The following MLIP variants were observed in gnomAD, a reference collection of about 807,000 sequenced individuals.
MLIP encodes muscular LMNA interacting protein.
A neutral mutation model predicts 84.8 loss-of-function variants in MLIP; 79 were observed. The ratio of observed to expected loss-of-function variants is 0.93; its 90% CI spans 0.78 to 1.12. The LOEUF is 1.12. Among genes scored for constraint, MLIP ranks in the 50% most tolerant of loss-of-function variants. MLIP has a pLI of 0.00. For missense variants in MLIP, 1,257 were observed against 1,160.6 expected (o/e 1.08, Z -1.21); for synonymous variants, 504 against 463.0 (o/e 1.09, Z -1.14).
rs1194119527 is a variant in MLIP at position 54,137,446 on chromosome 6, A to G, written c.1377A>G (p.Pro459=). 1 of 1,535,572 alleles carries G rather than the reference A, an allele frequency of 6.5e-7. No individual in the cohort carries two copies. Among genetic ancestry groups the G allele is most frequent in the African/African-American group, 1.4e-5 (1 of 72,910 alleles). The change falls in exon 4 of 14, where the codon CCA becomes CCG. Residue 459 remains proline (P), a synonymous_variant. Coordinates refer to ENST00000502396, the MANE Select transcript of MLIP (RefSeq NM_001281747.2). The stretch of plus-strand genomic sequence containing the variant: ...TTGACCAAAAAGAAAAGCAGACCCC[A>G]CCCACGCCTAAAAAATCTCTCTCAA... ...LTLDQKEKQT[P]PTPKKSLSSC...
intron 5 of MLIP, among the ~76,000 whole-genome samples, chr6:54,152,989 T>G (rs1432779856): frequency 6.6e-6 from 1 of 152,136 alleles, no homozygotes; most frequent in East Asian, 1.9e-4. Flanking sequence ...CTCTGTTTAC[T>G]TCCTCATAAG....
intron 12 of MLIP, among the ~76,000 whole-genome samples, chr6:54,256,595 G>A (rs1278161546): frequency 6.6e-6 from 1 of 152,126 alleles, no homozygotes; most frequent in East Asian, 1.9e-4. Flanking sequence ...CTCTTTGTGT[G>A]TGTCTCTTAG....
chr6:54,236,363 G>A (rs1781361022), intron 12 of MLIP, among the ~76,000 whole-genome samples: 1 of 152,192 alleles, frequency 6.6e-6, no homozygotes, highest in Non-Finnish European at 1.5e-5. Flanking sequence ...CACTTTGGGA[G>A]GCCAAGGCGG....
At chr6:54,202,267 T>A (rs766383092) in intron 11 of MLIP, 34 bp downstream of exon 11, 3 of 1,147,670 alleles carry the variant, frequency 2.6e-6, no homozygotes, top group Non-Finnish European at 3.3e-6. Flanking sequence ...TTTGCTATTT[T>A]GATAAATATA....
At position 54,266,199 on chromosome 6, in the gene MLIP, C is replaced by T. The variant is rs1293340302; in HGVS notation, c.*244C>T. 9.9e-6 allele frequency: 5 copies of T among 504,998 alleles called. No individual in the cohort carries two copies. The highest frequency in any genetic ancestry group is 1.9e-5 in the African/African-American group (1 of 51,802). 31.3% of individuals were successfully genotyped at this position (504,998 alleles called of 1,614,324 possible). A position where few individuals can be genotyped will look rare whatever the true frequency, so the allele number is the denominator to read the frequency against. ...CCACTGTTCTAGCCTTTAATGCCTT[C>T]TACTTAATATTAAGCTGACCGCAAT... On this transcript the variant is annotated 3_prime_UTR_variant, in exon 14 of 14. Coordinates refer to ENST00000502396, the MANE Select transcript of MLIP (RefSeq NM_001281747.2).
intron 1 of MLIP, among the ~76,000 whole-genome samples, chr6:54,089,595 C>G (rs1194778388): frequency 6.6e-6 from 1 of 152,082 alleles, no homozygotes; most frequent in Admixed American, 6.6e-5. Context: ...ATGCTTATAC[C>G]TGACCCTTTG....
intron 3 of MLIP, among the ~76,000 whole-genome samples, chr6:54,126,673 C>T (rs1770944451): frequency 6.6e-6 from 1 of 151,946 alleles, no homozygotes. Context: ...GGAGAAATGA[C>T]CAGAGCACCA....
At chr6:54,232,173 G>T (rs905431224) in intron 12 of MLIP, among the ~76,000 whole-genome samples, 10 of 151,820 alleles carry the variant, frequency 6.6e-5, no homozygotes, top group African/African-American at 2.4e-4. Flanking sequence ...TTTGCCAACA[G>T]CCATGAAATA....
At chr6:54,142,823 G>A (rs76380204) in intron 4 of MLIP, among the ~76,000 whole-genome samples, 9,043 of 152,068 alleles carry the variant, frequency 0.059, 388 homozygotes, top group Non-Finnish European at 0.085. Flanking sequence ...TAGCAGTGAA[G>A]GTGAAGATAA....
At chr6:54,073,612 C>A (rs1766617127) in intron 1 of MLIP, among the ~76,000 whole-genome samples, 1 of 152,052 alleles carries the variant, frequency 6.6e-6, no homozygotes, top group Non-Finnish European at 1.5e-5. Context: ...TCTCCTGAGC[C>A]CCATCTCCAG....
intron 1 of MLIP, among the ~76,000 whole-genome samples, chr6:54,074,782 TG>T (rs1002881093): frequency 1.3e-5 from 2 of 151,952 alleles, no homozygotes; most frequent in African/African-American, 4.8e-5. Flanking sequence ...GCCTTTAAAA[TG>T]GGGGAAAATA....
intron 1 of MLIP, among the ~76,000 whole-genome samples, chr6:54,052,734 T>C (rs980845654): frequency 1.3e-5 from 2 of 151,808 alleles, no homozygotes; most frequent in Non-Finnish European, 2.9e-5. Flanking sequence ...AAGGGGAGAG[T>C]GATAGTCCAA....
chr6:54,176,665 T>C (rs181596097), intron 9 of MLIP, among the ~76,000 whole-genome samples: 2 of 152,044 alleles, frequency 1.3e-5, no homozygotes, highest in East Asian at 3.9e-4. Context: ...CCCATTAAAC[T>C]ACCATTGACA....
chr6:54,121,072 C>A (rs1183903256), intron 1 of MLIP, among the ~76,000 whole-genome samples: 1 of 151,976 alleles, frequency 6.6e-6, no homozygotes, highest in Non-Finnish European at 1.5e-5. Flanking sequence ...ATAAATTGAA[C>A]CGGCTAACCC....
chr6:54,082,463 G>T (rs969318613), intron 1 of MLIP, among the ~76,000 whole-genome samples: 2 of 152,134 alleles, frequency 1.3e-5, no homozygotes, highest in African/African-American at 4.8e-5. Flanking sequence ...CCTCCCACCA[G>T]GTCCCTCCCC....
chr6:54,150,976 G>A (rs1405159517), intron 5 of MLIP, among the ~76,000 whole-genome samples: 3 of 152,238 alleles, frequency 2.0e-5, no homozygotes, highest in South Asian at 4.1e-4. Context: ...AAAACATTCT[G>A]TAGGAAAATT....
At chr6:54,182,785 A>G (rs935098926) in intron 9 of MLIP, among the ~76,000 whole-genome samples, 3 of 152,206 alleles carry the variant, frequency 2.0e-5, no homozygotes, top group Admixed American at 6.5e-5. Context: ...TTTCTTAATA[A>G]AGAATAACCT....
intron 1 of MLIP, among the ~76,000 whole-genome samples, chr6:54,088,025 GC>G (rs1390674383): frequency 6.6e-6 from 1 of 152,114 alleles, no homozygotes; most frequent in Non-Finnish European, 1.5e-5. Context: ...TTCAGAAACG[GC>G]CATGGTATCA....
chr6:54,155,336 G>A (rs1218097040), intron 5 of MLIP, among the ~76,000 whole-genome samples: 1 of 151,996 alleles, frequency 6.6e-6, no homozygotes, highest in African/African-American at 2.4e-5. Flanking sequence ...TAAGTATTTT[G>A]TAGTCCTTAG....
Sources: gnomAD v4.1 joint callset for allele counts (sites outside exome capture counted in the v4.1 genomes callset) on GRCh38, gnomAD v4.1.1 for gene constraint, MANE v1.5 for transcripts, NCBI Gene and HGNC (gene_info 2026-07-23, HGNC 2026-07-21) for gene names.